Variants in ZNF83 observed in about 807,000 individuals in gnomAD.
The protein encoded by ZNF83 is zinc finger protein 83.
For missense variants in ZNF83, 552 were observed against 629.9 expected (o/e 0.88, Z 1.32); for synonymous variants, 209 against 213.0 (o/e 0.98, Z 0.17).
At chr19:52,666,050 G>A (rs1194203350) in intron 1 of ZNF83, among the ~76,000 whole-genome samples, 1 of 151,600 alleles carries the variant, frequency 6.6e-6, no homozygotes, top group Non-Finnish European at 1.5e-5. Context: ...TGTAGTCCCA[G>A]CTACTTGGAA....
intron 1 of ZNF83, chr19:52,674,089 C>T (rs1430461170): frequency 4.0e-5 from 6 of 151,140 alleles, no homozygotes; most frequent in Non-Finnish European, 8.8e-5. Context: ...CACACTCACA[C>T]AGACACAACC....
At chr19:52,645,285 G>A (rs1438915394) in intron 3 of ZNF83, among the ~76,000 whole-genome samples, 1 of 152,096 alleles carries the variant, frequency 6.6e-6, no homozygotes, top group African/African-American at 2.4e-5. Flanking sequence ...GGTACCAAAG[G>A]TTTCCAATAA....
At chr19:52,654,410 A>C (rs965037881) in intron 3 of ZNF83, 4 of 1,092,656 alleles carry the variant, frequency 3.7e-6, no homozygotes, top group Non-Finnish European at 5.2e-6. Context: ...CTATCTAAAA[A>C]ATATAAAGAC....
intron 1 of ZNF83, among the ~76,000 whole-genome samples, chr19:52,687,254 T>A (rs1310408723): frequency 6.9e-6 from 1 of 145,140 alleles, no homozygotes; most frequent in African/African-American, 2.6e-5. Flanking sequence ...CTTTGGGAGG[T>A]CAAAGCAGGA....
At chr19:52,685,637 C>T (rs2014480) in intron 1 of ZNF83, among the ~76,000 whole-genome samples, 1,587 of 152,148 alleles carry the variant, frequency 0.01, 29 homozygotes, top group African/African-American at 0.036. Flanking sequence ...TAGCTCTTGC[C>T]TGTAATCCCA....
intron 2 of ZNF83, among the ~76,000 whole-genome samples, chr19:52,658,513 CGA>C (rs1453885350): frequency 6.6e-6 from 1 of 152,010 alleles, no homozygotes; most frequent in Non-Finnish European, 1.5e-5. Flanking sequence ...TGGAGTAAGC[CGA>C]GATTGCACCA....
In ZNF83 at chr19:52,665,317, G is replaced by A. The variant is rs141244484; in HGVS notation, c.-282-4474C>T. On this transcript the variant is annotated intron_variant, in intron 1 of 5. Transcript: ENST00000594682. ...AGGAGTCCCAGCTACTCAGGAAGCA[G>A]GGGTAGGAGGATAGCTGAGCTGGGA... 1.2e-3 allele frequency among the ~76,000 whole-genome samples: 180 copies of A among 152,170 alleles called. 1 individual carries two copies. The highest frequency in any genetic ancestry group is 1.7e-3 in the Non-Finnish European group (118 of 68,000).
At chr19:52,658,984 G>GCTGCAGTGACAAACCT (rs535541230) in intron 2 of ZNF83, among the ~76,000 whole-genome samples, 80 of 152,272 alleles carry the variant, frequency 5.3e-4, no homozygotes, top group African/African-American at 1.9e-3. Flanking sequence ...CTCAGGGCCG[G>GCTGCAGTGACAAACCT]CTCTTGGTGT....
At chr19:52,653,142 GTTGTAAGGTT>G (rs1447425359) in intron 3 of ZNF83, 28 of 1,465,556 alleles carry the variant, frequency 1.9e-5, no homozygotes, top group African/African-American at 5.7e-5. Context: ...ACTCATGACA[GTTGTAAGGTT>G]TTTCTCCGGT....
chr19:52,618,630 G>T, intron 2 of ZNF83: 2 of 390,772 alleles, frequency 5.1e-6, no homozygotes, highest in Non-Finnish European at 9.0e-6. Context: ...CTCCTGACCT[G>T]AAGTGATCCA....
rs148133885 is a variant in ZNF83, at chr19:52,684,126, T to C, written c.-283+6317A>G. The stretch of plus-strand genomic sequence containing the variant: ...GCTCATGCCTGTAATCCTAGCACTC[T>C]GGGAGGCCGAGGCTGGTGGATCACT... On this transcript the variant is annotated intron_variant, in intron 1 of 5. Transcript: ENST00000594682. Among the ~76,000 whole-genome samples the C allele has an allele frequency of 8.3e-3, 1,260 of 152,192 alleles. 19 individuals are homozygous for C. Among genetic ancestry groups the C allele is most frequent in the African/African-American group, 0.028 (1,167 of 41,512 alleles).
At chr19:52,660,988 C>G (rs1600241666) in intron 1 of ZNF83, 1 of 152,330 alleles carries the variant, frequency 6.6e-6, no homozygotes, top group Non-Finnish European at 1.5e-5. Flanking sequence ...CCTCAGTGTA[C>G]CAAGTAGCTG....
At chr19:52,626,825 A>G (rs1044778368) in intron 2 of ZNF83, among the ~76,000 whole-genome samples, 2 of 152,014 alleles carry the variant, frequency 1.3e-5, no homozygotes, top group Non-Finnish European at 2.9e-5. Context: ...TACCACCCCC[A>G]AAAATTTTTG....
At chr19:52,630,888 G>A (rs1279728850) in intron 2 of ZNF83, among the ~76,000 whole-genome samples, 1 of 151,962 alleles carries the variant, frequency 6.6e-6, no homozygotes, top group Non-Finnish European at 1.5e-5. Context: ...AACCAGATAA[G>A]ACTTAATAGG....
At chr19:52,682,738 C>T (rs1189444634) in intron 1 of ZNF83, among the ~76,000 whole-genome samples, 1 of 152,074 alleles carries the variant, frequency 6.6e-6, no homozygotes, top group Non-Finnish European at 1.5e-5. Context: ...TGTGTGGTGA[C>T]ACATGCCTAT....
rs765811052 is a variant in ZNF83 at position 52,653,186 on chromosome 19, G to A, written c.-74+2375C>T. The A allele has an allele frequency of 1.9e-5, 29 of 1,495,016 alleles. No individual in the cohort carries two copies. In the Admixed American group the frequency reaches 2.3e-4, roughly 12 times the overall value. 92.6% of individuals were successfully genotyped at this position (1,495,016 alleles called of 1,614,324 possible). On this transcript the variant is annotated intron_variant, in intron 3 of 5. Coordinates refer to the ZNF83 transcript ENST00000594682. ...GTATGAAGTCTACGATGGCCCACAA[G>A]GGATGACTTCTGACTGAAGGTCTTG...
intron 1 of ZNF83, among the ~76,000 whole-genome samples, chr19:52,668,940 C>A (rs8104337): frequency 0.077 from 11,733 of 152,210 alleles, 1,522 homozygotes; most frequent in African/African-American, 0.27. Flanking sequence ...CCCTCCAGGG[C>A]CATCCAGCTT....
chr19:52,688,652 T>C (rs189057062), intron 1 of ZNF83, among the ~76,000 whole-genome samples: 7 of 152,136 alleles, frequency 4.6e-5, no homozygotes, highest in Non-Finnish European at 8.8e-5. Context: ...CCTCTTCTGC[T>C]CCATCCTTGT....
At chr19:52,629,532 C>T (rs1414408168) in intron 2 of ZNF83, among the ~76,000 whole-genome samples, 1 of 152,188 alleles carries the variant, frequency 6.6e-6, no homozygotes, top group Non-Finnish European at 1.5e-5. Context: ...ATCACCTCAC[C>T]TGCTCACACC....
Sources: gnomAD v4.1 joint callset for allele counts (sites outside exome capture counted in the v4.1 genomes callset) on GRCh38, gnomAD v4.1.1 for gene constraint, MANE v1.5 for transcripts, NCBI Gene and HGNC (gene_info 2026-07-23, HGNC 2026-07-21) for gene names.